Variants in SAMD12 observed in about 807,000 individuals in gnomAD.
The protein encoded by SAMD12 is sterile alpha motif domain-containing protein 12.
SAMD12 carries 9 observed loss-of-function variants against 15.0 expected under a neutral mutation model. The observed-to-expected ratio is 0.60, with a 90% CI of 0.36 to 1.05. SAMD12 has a LOEUF of 1.05. SAMD12 is among the 50% of genes least tolerant of loss of function. The pLI, the probability that SAMD12 is intolerant of heterozygous loss-of-function variation, is 0.01. For synonymous variants in SAMD12, 86 were observed against 90.1 expected, an observed-to-expected ratio of 0.96 and a Z score of 0.25; for missense variants, 230 against 234.2, an observed-to-expected ratio of 0.98 and a Z score of 0.12.
chr8:118,237,698 T>C (rs1314211337), intron 4 of SAMD12, among the ~76,000 whole-genome samples: 3 of 152,196 alleles, frequency 2.0e-5, no homozygotes, highest in East Asian at 1.9e-4. Context: ...AGGACCTTGA[T>C]TGGGACTTCA....
chr8:118,221,428 G>A (rs549722571), intron 4 of SAMD12, among the ~76,000 whole-genome samples: 1 of 152,316 alleles, frequency 6.6e-6, no homozygotes, highest in Non-Finnish European at 1.5e-5. Flanking sequence ...TAGAGGGACT[G>A]CATTTCTGGA....
At chr8:118,168,624 C>T in the SAMD12 span, among the ~76,000 whole-genome samples, 1 of 152,206 alleles carries the variant, frequency 6.6e-6, no homozygotes, top group Non-Finnish European at 1.5e-5. Flanking sequence ...TTGTCTGCCT[C>T]ACTGGTTTGC....
chr8:118,250,987 C>G (rs765643091), intron 4 of SAMD12, among the ~76,000 whole-genome samples: 1 of 152,074 alleles, frequency 6.6e-6, no homozygotes, highest in Non-Finnish European at 1.5e-5. Flanking sequence ...TCCTCACCAC[C>G]CTATTATTAC....
At chr8:118,185,280 C>T (rs976707501), downstream of SAMD12, among the ~76,000 whole-genome samples, 17 of 151,846 alleles carry the variant, frequency 1.1e-4, no homozygotes, top group Non-Finnish European at 1.8e-4. Flanking sequence ...AGGTGGTTTT[C>T]GATTACATGA....
intron 3 of SAMD12, among the ~76,000 whole-genome samples, chr8:118,404,511 A>T (rs1048405331): frequency 2.0e-5 from 3 of 152,178 alleles, no homozygotes; most frequent in Non-Finnish European, 4.4e-5. Context: ...AAGCACCTTG[A>T]TTGTTTGCCT....
intron 4 of SAMD12, among the ~76,000 whole-genome samples, chr8:118,234,704 C>T (rs1812388866): frequency 1.1e-5 from 1 of 88,318 alleles, no homozygotes; most frequent in South Asian, 3.7e-4. Flanking sequence ...GAGTAAGACT[C>T]CATCTCAAAA....
At chr8:118,230,259 G>A (rs926970797) in intron 4 of SAMD12, among the ~76,000 whole-genome samples, 1 of 152,134 alleles carries the variant, frequency 6.6e-6, no homozygotes, top group Non-Finnish European at 1.5e-5. Context: ...CACAATTTTA[G>A]ATATGAGGAT....
the SAMD12 span, among the ~76,000 whole-genome samples, chr8:118,181,241 T>C: frequency 6.6e-6 from 1 of 152,224 alleles, no homozygotes; most frequent in Non-Finnish European, 1.5e-5. Flanking sequence ...ATCTAACCTC[T>C]TATGACTAAT....
At chr8:118,279,008 C>A (rs987703729) in intron 4 of SAMD12, among the ~76,000 whole-genome samples, 1 of 152,128 alleles carries the variant, frequency 6.6e-6, no homozygotes, top group African/African-American at 2.4e-5. Context: ...GCTTCCCTAG[C>A]TCTGCTATTA....
At chr8:118,399,284 T>A (rs1820751752) in intron 3 of SAMD12, among the ~76,000 whole-genome samples, 1 of 151,514 alleles carries the variant, frequency 6.6e-6, no homozygotes, top group African/African-American at 2.4e-5. Context: ...AGAGTTCAGA[T>A]AACTTAGGCT....
intron 4 of SAMD12, among the ~76,000 whole-genome samples, chr8:118,364,322 A>G (rs971976121): frequency 6.6e-6 from 1 of 152,140 alleles, no homozygotes; most frequent in Non-Finnish European, 1.5e-5. Flanking sequence ...CCTGAGAACT[A>G]TGGAGGGTGG....
intron 4 of SAMD12, among the ~76,000 whole-genome samples, chr8:118,231,509 T>C (rs182937124): frequency 9.2e-5 from 14 of 152,284 alleles, no homozygotes; most frequent in Admixed American, 7.8e-4. Context: ...GCTAAGGAAA[T>C]TGAGATTTTT....
At chr8:118,300,917 G>A (rs1045142373) in intron 4 of SAMD12, among the ~76,000 whole-genome samples, 1 of 152,184 alleles carries the variant, frequency 6.6e-6, no homozygotes, top group African/African-American at 2.4e-5. Context: ...ATTTTAACAT[G>A]ATGCATAAAG....
downstream of SAMD12, among the ~76,000 whole-genome samples, chr8:118,374,432 C>T (rs1235686838): frequency 6.6e-6 from 1 of 152,062 alleles, no homozygotes; most frequent in Non-Finnish European, 1.5e-5. Context: ...GTGAATAATG[C>T]TGCACTGAAC....
chr8:118,578,005 T>A (rs922408662), intron 2 of SAMD12, among the ~76,000 whole-genome samples: 1 of 152,170 alleles, frequency 6.6e-6, no homozygotes, highest in Non-Finnish European at 1.5e-5. Flanking sequence ...AGTAAAAGTT[T>A]TCTCCGTAAT....
At chr8:118,254,968 A>T (rs1427636541) in intron 4 of SAMD12, among the ~76,000 whole-genome samples, 1 of 151,876 alleles carries the variant, frequency 6.6e-6, no homozygotes, top group African/African-American at 2.4e-5. Context: ...TGCCTTTCCC[A>T]AATGTCCCCT....
chr8:118,500,448 C>T (rs1824752033), intron 2 of SAMD12, among the ~76,000 whole-genome samples: 1 of 151,924 alleles, frequency 6.6e-6, no homozygotes, highest in Middle Eastern at 3.4e-3. Context: ...TGATTAGAAC[C>T]ATGCCTAGGA....
At chr8:118,232,161 C>A (rs564991731) in intron 4 of SAMD12, among the ~76,000 whole-genome samples, 51 of 152,244 alleles carry the variant, frequency 3.3e-4, no homozygotes, top group African/African-American at 1.2e-3. Context: ...TAAGACAGGC[C>A]TCCTCCTGAG....
intron 2 of SAMD12, among the ~76,000 whole-genome samples, chr8:118,443,356 C>T (rs545626649): frequency 3.9e-5 from 6 of 152,114 alleles, no homozygotes; most frequent in East Asian, 3.9e-4. Flanking sequence ...CCCAGCTACG[C>T]GGGAGACAGG....
Sources: gnomAD v4.1 joint callset for allele counts (sites outside exome capture counted in the v4.1 genomes callset) on GRCh38, gnomAD v4.1.1 for gene constraint, MANE v1.5 for transcripts, NCBI Gene and HGNC (gene_info 2026-07-23, HGNC 2026-07-21) for gene names.